Variants in SPDYE4 observed in about 807,000 individuals in gnomAD.
SPDYE4 encodes the protein speedy protein E4.
SPDYE4 carries 30 observed loss-of-function variants against 37.5 expected under a neutral mutation model. The observed-to-expected ratio is 0.80, with a 90% CI of 0.60 to 1.09. The LOEUF (loss-of-function observed/expected upper bound fraction) is 1.09, where lower values mean the gene tolerates loss of function less well. SPDYE4 is among the 50% of genes least tolerant of loss of function. The pLI is 0.00. For missense variants in SPDYE4, 300 were observed against 307.9 expected (o/e 0.97, Z 0.19); for synonymous variants, 131 against 120.3 (o/e 1.09, Z -0.58).
chr17:8,754,922 T>C (rs1009467448), intron 4 of SPDYE4, among the ~76,000 whole-genome samples: 11 of 152,064 alleles, frequency 7.2e-5, no homozygotes, highest in African/African-American at 2.7e-4. Context: ...GGTTTGGTGG[T>C]AGAAGGACTG....
chr17:8,749,264 C>T (rs1597349889), downstream of SPDYE4, among the ~76,000 whole-genome samples: 1 of 100,582 alleles, frequency 9.9e-6, no homozygotes, highest in South Asian at 3.7e-4. Flanking sequence ...GGCTAAGTTT[C>T]GTATTTTTTT....
rs953025395 is a variant in SPDYE4 at position 8,750,904 on chromosome 17, A to G, written c.*1378T>C. Among the ~76,000 whole-genome samples, 1 of 152,218 alleles carries G rather than the reference A, an allele frequency of 6.6e-6. No individual in the cohort carries two copies. Among genetic ancestry groups the G allele is most frequent in the Non-Finnish European group, 1.5e-5 (1 of 68,036 alleles). Reference sequence around the variant, plus strand: ...TGCATTTTCCCAGGTAGCGCAGTGCACTGTCCTCTTTGAAACACACAGCTC... The same window carrying G: ...TGCATTTTCCCAGGTAGCGCAGTGCGCTGTCCTCTTTGAAACACACAGCTC... On this transcript the variant is annotated 3_prime_UTR_variant, in exon 7 of 7. Coordinates refer to ENST00000689094, the MANE Select transcript of SPDYE4 (RefSeq NM_001394956.1).
intron 3 of SPDYE4, among the ~76,000 whole-genome samples, 199 bp from the exon 4 acceptor site, chr17:8,755,804 G>A (rs896960474): frequency 2.6e-5 from 4 of 152,104 alleles, no homozygotes; most frequent in South Asian, 2.1e-4. Context: ...TCGGAGGGAG[G>A]GAGGTCTGTG....
In SPDYE4 at chr17:8,758,372, C is replaced by T. The variant is rs1172351293; in HGVS notation, c.11G>A (p.Gly4Asp). The T allele has an allele frequency of 6.4e-7, 1 of 1,551,412 alleles. No homozygotes were observed. Among genetic ancestry groups the T allele is most frequent in the South Asian group, 1.2e-5 (1 of 84,044 alleles). The change falls in exon 1 of 7, where the codon GGT (glycine) becomes GAT (aspartate). Residue 4 changes from glycine (G) to aspartate (D), a missense_variant. Gly to Asp is a moderately conservative substitution (Grantham distance 94, BLOSUM62 -1). Coordinates refer to ENST00000689094, the MANE Select transcript of SPDYE4 (RefSeq NM_001394956.1). Reference sequence around the variant, plus strand: ...CTCCTCAAACGGGGGGCGCGCTTGACCACTGGCCATAATCTCTCCCAAACA... The same window carrying T: ...CTCCTCAAACGGGGGGCGCGCTTGATCACTGGCCATAATCTCTCCCAAACA... MAS[G>D]QARPPFEEES...
chr17:8,757,396 A>G lies in SPDYE4; in HGVS notation c.206T>C (p.Leu69Pro). 3.8e-6 allele frequency: 6 copies of G among 1,592,020 alleles called. No homozygotes were observed. Among genetic ancestry groups the G allele is most frequent in the Non-Finnish European group, 5.1e-6 (6 of 1,168,966 alleles). Residue 69 changes from leucine (L) to proline (P), a missense_variant, in exon 2 of 7, where the codon CTG becomes CCG. Coordinates refer to ENST00000689094, the MANE Select transcript of SPDYE4 (RefSeq NM_001394956.1). Reference sequence around the variant, plus strand: ...GGGCTCAGGGGCGCGCTCCAACTCCAGCTCCTCCTCCAGCTCCTCCTCGGA... The same window carrying G: ...GGGCTCAGGGGCGCGCTCCAACTCCGGCTCCTCCTCCAGCTCCTCCTCGGA... ...DESEEELEEE[L>P]ELERAPEPED...
At chr17:8,755,441 G>T (rs2086763657) in intron 4 of SPDYE4, 79 bp downstream of exon 4, 1 of 1,484,674 alleles carries the variant, frequency 6.7e-7, no homozygotes, top group Non-Finnish European at 9.3e-7. Context: ...TAAAAAAATA[G>T]ATGGAAGGTT....
chr17:8,752,622 C>T (rs1265781024), intron 6 of SPDYE4, among the ~76,000 whole-genome samples: 3 of 152,096 alleles, frequency 2.0e-5, no homozygotes, highest in Non-Finnish European at 4.4e-5. Context: ...AACACGACAA[C>T]CTCAGGAACC....
At position 8,753,125 on chromosome 17, in the gene SPDYE4, T is replaced by C. The variant is rs771926024; in HGVS notation, c.*13A>G. On this transcript the variant is annotated 3_prime_UTR_variant, in exon 6 of 7. Coordinates refer to ENST00000689094, the MANE Select transcript of SPDYE4 (RefSeq NM_001394956.1). ...TCAGGCCGATGACCTCAGGCCTCCA[T>C]GTCCCCGGAGCTCTAGGAAATGAGG... The C allele has an allele frequency of 9.9e-6, 16 of 1,614,076 alleles. 1 individual carries two copies. The highest frequency in any genetic ancestry group is 1.4e-5 in the Non-Finnish European group (16 of 1,180,006).
intron 4 of SPDYE4, among the ~76,000 whole-genome samples, chr17:8,754,929 A>G (rs990203268): frequency 1.3e-5 from 2 of 152,200 alleles, no homozygotes; most frequent in South Asian, 2.1e-4. Context: ...TGGTAGAAGG[A>G]CTGCAGAGAG....
downstream of SPDYE4, among the ~76,000 whole-genome samples, chr17:8,750,448 C>T (rs1298251655): frequency 3.3e-5 from 5 of 152,230 alleles, no homozygotes; most frequent in Admixed American, 6.5e-5. Context: ...AGGTGGCTTA[C>T]GCCTGTAATC....
intron 1 of SPDYE4, among the ~76,000 whole-genome samples, chr17:8,757,997 G>A (rs1458731765): frequency 1.3e-5 from 2 of 151,980 alleles, no homozygotes; most frequent in African/African-American, 4.8e-5. Context: ...TAACCAGGAT[G>A]GTCTCGATCT....
At chr17:8,755,908 G>C (rs1474590685) in intron 3 of SPDYE4, among the ~76,000 whole-genome samples, 1 of 152,100 alleles carries the variant, frequency 6.6e-6, no homozygotes, top group Middle Eastern at 3.2e-3. Context: ...TGGGGCAAAG[G>C]ACTGTCCCAA....
intron 6 of SPDYE4, among the ~76,000 whole-genome samples, chr17:8,752,845 G>A (rs559888038): frequency 3.9e-4 from 59 of 152,142 alleles, no homozygotes; most frequent in Non-Finnish European, 6.0e-4. Flanking sequence ...CGTCCCGGCT[G>A]GAGTGCAGTG....
At chr17:8,749,292 C>G (rs555649015), downstream of SPDYE4, among the ~76,000 whole-genome samples, 1 of 151,152 alleles carries the variant, frequency 6.6e-6, no homozygotes, top group Non-Finnish European at 1.5e-5. Context: ...GATGGAGTCT[C>G]GCTCTGTCAC....
At chr17:8,756,471 G>A (rs986642243) in intron 2 of SPDYE4, 35 bp from the exon 3 acceptor site, 1 of 1,606,552 alleles carries the variant, frequency 6.2e-7, no homozygotes, top group Non-Finnish European at 8.5e-7. Flanking sequence ...GGTGAGAAGT[G>A]GAACAGGGTT....
chr17:8,755,431 T>TA (rs1300791352), intron 4 of SPDYE4, 89 bp downstream of exon 4: 12 of 1,444,638 alleles, frequency 8.3e-6, no homozygotes, highest in Non-Finnish European at 1.1e-5. Flanking sequence ...AGAAGTAGGG[T>TA]AAAAAAATAG....
At chr17:8,756,298 A>G in intron 3 of SPDYE4, 80 bp downstream of exon 3, 1 of 1,345,854 alleles carries the variant, frequency 7.4e-7, no homozygotes, top group African/African-American at 1.4e-5. Context: ...GAGAGGAGAG[A>G]AACTGTGGGT....
In SPDYE4 at chr17:8,757,694, C is replaced by T. The variant is rs573316571; in HGVS notation, c.110-202G>A. 1.4e-4 allele frequency among the ~76,000 whole-genome samples: 21 copies of T among 152,216 alleles called. No homozygotes were observed. In the South Asian group the frequency reaches 4.4e-3, roughly 32 times the overall value. On this transcript the variant is annotated intron_variant, in intron 1 of 6. Coordinates refer to ENST00000689094, the MANE Select transcript of SPDYE4 (RefSeq NM_001394956.1). ...CCCCATTCTTCCGGCTCTCTGTCCTCAAAACATTTCCTCATCACAGATAAG... is the reference window on the plus strand; with the variant it reads ...CCCCATTCTTCCGGCTCTCTGTCCTTAAAACATTTCCTCATCACAGATAAG...
At chr17:8,748,207 T>C (rs187343848), downstream of SPDYE4, among the ~76,000 whole-genome samples, 132 of 152,358 alleles carry the variant, frequency 8.7e-4, 2 homozygotes, top group African/African-American at 2.9e-3. Context: ...TACTTGGATA[T>C]AGAGCCTTTG....
Sources: allele counts gnomAD v4.1 joint callset (sites outside exome capture counted in the v4.1 genomes callset), GRCh38; gene constraint gnomAD v4.1.1; transcripts MANE v1.5; gene names NCBI Gene and HGNC (gene_info 2026-07-23, HGNC 2026-07-21).